The following KDM2B variants were observed in gnomAD, a reference collection of about 807,000 sequenced individuals.
The protein encoded by KDM2B is lysine demethylase 2B.
A neutral mutation model predicts 150.0 loss-of-function variants in KDM2B; 26 were observed. The ratio of observed to expected loss-of-function variants is 0.17; its 90% CI spans 0.13 to 0.24. The LOEUF (loss-of-function observed/expected upper bound fraction) is 0.24, where lower values mean the gene tolerates loss of function less well. Among genes scored for constraint, KDM2B ranks in the 10% least tolerant of loss-of-function variants. KDM2B has a pLI of 1.00. For synonymous variants in KDM2B, 734 were observed against 729.5 expected, an observed-to-expected ratio of 1.01 and a Z score of -0.10; for missense variants, 1,265 against 1,816.9, an observed-to-expected ratio of 0.70 and a Z score of 5.52.
At chr12:121,571,906 C>T (rs1212388282) in intron 4 of KDM2B, among the ~76,000 whole-genome samples, 2 of 151,386 alleles carry the variant, frequency 1.3e-5, no homozygotes, top group African/African-American at 2.4e-5. Context: ...CCGCGTCGGC[C>T]TCCCAAAGTG....
the KDM2B span, among the ~76,000 whole-genome samples, chr12:121,411,259 T>C: frequency 3.3e-5 from 5 of 152,102 alleles, no homozygotes; most frequent in Non-Finnish European, 5.9e-5. Flanking sequence ...TAATGAGGGC[T>C]AAATTAAGTG....
chr12:121,416,236 G>T, the KDM2B span: 2 of 1,614,132 alleles, frequency 1.2e-6, no homozygotes, highest in Non-Finnish European at 1.7e-6. Flanking sequence ...TCAGGGGCCA[G>T]CAGTCAGCAT....
chr12:121,431,040 C>A (rs184483096), intron 22 of KDM2B, among the ~76,000 whole-genome samples: 1 of 152,226 alleles, frequency 6.6e-6, no homozygotes, highest in Non-Finnish European at 1.5e-5. Flanking sequence ...CAGGACTGAC[C>A]GTGTGCCAGC....
the KDM2B span, among the ~76,000 whole-genome samples, chr12:121,413,056 C>T: frequency 6.7e-6 from 1 of 149,746 alleles, no homozygotes; most frequent in East Asian, 2.0e-4. Flanking sequence ...GGCAGAGTCT[C>T]ACTCTGTCAC....
At chr12:121,454,839 GCT>G (rs1555292424) in intron 12 of KDM2B, among the ~76,000 whole-genome samples, 1 of 152,142 alleles carries the variant, frequency 6.6e-6, no homozygotes, top group Non-Finnish European at 1.5e-5. Flanking sequence ...ACCCAGAAGA[GCT>G]GTTACTATTC....
At chr12:121,486,971 G>T (rs1882833488) in intron 12 of KDM2B, among the ~76,000 whole-genome samples, 1 of 151,186 alleles carries the variant, frequency 6.6e-6, no homozygotes, top group Non-Finnish European at 1.5e-5. Flanking sequence ...AGACCCCCCC[G>T]ATACAAAAAA....
the KDM2B span, among the ~76,000 whole-genome samples, chr12:121,410,685 G>A: frequency 6.6e-6 from 1 of 152,142 alleles, no homozygotes; most frequent in Non-Finnish European, 1.5e-5. Flanking sequence ...ATAACTATAA[G>A]TGGATTTGCC....
At chr12:121,423,420 C>G in the KDM2B span, 1 of 1,611,646 alleles carries the variant, frequency 6.2e-7, no homozygotes, top group Non-Finnish European at 8.5e-7. The surrounding 1 kb of genome is among the most constrained non-coding windows in gnomAD (Gnocchi z 4.3). Flanking sequence ...ATGAGGAAGA[C>G]GACAGCCTGT....
chr12:121,565,623 G>A (rs183811932), intron 4 of KDM2B, among the ~76,000 whole-genome samples: 3,017 of 150,684 alleles, frequency 0.02, 101 homozygotes, highest in African/African-American at 0.069. Context: ...TGGCCAAGAG[G>A]ATTTTTTTTT....
chr12:121,549,339 C>T lies in KDM2B; in HGVS notation c.576+121G>A. On this transcript the variant is annotated intron_variant, in intron 5 of 22. Coordinates refer to ENST00000377071, the MANE Select transcript of KDM2B (RefSeq NM_032590.5). The surrounding 1 kb of genome is among the most constrained non-coding windows in gnomAD (Gnocchi z 4.4). Reference sequence around the variant, plus strand: ...CCAACCTTAGTCACCCCTATGCCTGCCAAGCCCAGCCAGCCACACCCACAT... The same window carrying T: ...CCAACCTTAGTCACCCCTATGCCTGTCAAGCCCAGCCAGCCACACCCACAT... 3 of 906,278 alleles carry T rather than the reference C, an allele frequency of 3.3e-6. No homozygotes were observed. The highest frequency in any genetic ancestry group is 5.0e-5 in the East Asian group (2 of 39,646). 56.1% of individuals were successfully genotyped at this position (906,278 alleles called of 1,614,324 possible).
chr12:121,537,849 C>T lies in KDM2B; in HGVS notation c.684-3259G>A, dbSNP rs1888273188. Among the ~76,000 whole-genome samples the T allele has an allele frequency of 6.6e-6, 1 of 151,738 alleles. No homozygotes were observed. ...CTGTAGCCCGCGGGCGGGAGGCCAC[C>T]CACACCCGCCCCGCGCAGCGCCACA... On this transcript the variant is annotated intron_variant, in intron 6 of 22. Transcript: ENST00000377071. This position sits in a 1 kb window ranked among gnomAD's most constrained non-coding sequence, Gnocchi z 8.7.
chr12:121,563,016 G>C (rs542142652), intron 4 of KDM2B, among the ~76,000 whole-genome samples: 11 of 152,132 alleles, frequency 7.2e-5, no homozygotes, highest in Non-Finnish European at 1.0e-4. Flanking sequence ...AGAGAAATCC[G>C]ATAAAGACAT....
At chr12:121,412,845 C>T in the KDM2B span, among the ~76,000 whole-genome samples, 1 of 151,058 alleles carries the variant, frequency 6.6e-6, no homozygotes, top group African/African-American at 2.4e-5. Context: ...CTGCCTTAGC[C>T]TCCCAAGTAG....
Position 121,500,054 on chromosome 12 carries a change from G to GC in KDM2B, c.1648-5390dup, listed in dbSNP as rs1284917926. Among the ~76,000 whole-genome samples, 7 of 152,050 alleles carry GC rather than the reference G, an allele frequency of 4.6e-5. No individual in the cohort carries two copies. The South Asian group carries it at 6.2e-4, about 14-fold the overall frequency. ...TACCTCCCGTTTCCCTCTGTGTGTG[G>GC]CCCCCCTGCGGCCACCAGGGGGCGC... On this transcript the variant is annotated intron_variant, in intron 11 of 22. Coordinates refer to ENST00000377071, the MANE Select transcript of KDM2B (RefSeq NM_032590.5).
intron 11 of KDM2B, among the ~76,000 whole-genome samples, chr12:121,498,441 C>A (rs1188678737): frequency 6.6e-6 from 1 of 152,176 alleles, no homozygotes; most frequent in Non-Finnish European, 1.5e-5. Flanking sequence ...AAAAGCCCAC[C>A]AGATCTTTAA....
chr12:121,440,986 A>C lies in KDM2B; in HGVS notation c.3449-9T>G. The C allele has an allele frequency of 6.2e-7, 1 of 1,613,098 alleles. No homozygotes were observed. Among genetic ancestry groups the C allele is most frequent in the Non-Finnish European group, 8.5e-7 (1 of 1,179,426 alleles). ...CACCAAGTCCCGGAGCCCTGGGGGG[A>C]CATAGAAAAGGGTGAAGGTCAGGGG... is the stretch of plus-strand genomic sequence containing the variant. On this transcript the variant is annotated splice_polypyrimidine_tract_variant and intron_variant, in intron 20 of 22. Coordinates refer to ENST00000377071, the MANE Select transcript of KDM2B (RefSeq NM_032590.5).
intron 13 of KDM2B, among the ~76,000 whole-genome samples, chr12:121,450,858 C>CTCAA (rs1555291470): frequency 1.6e-5 from 2 of 128,392 alleles, no homozygotes; most frequent in African/African-American, 3.0e-5. Context: ...AAGACTCCAT[C>CTCAA]AAAAAAAAAA....
downstream of KDM2B, among the ~76,000 whole-genome samples, chr12:121,424,733 AAG>A (rs1872428607): frequency 6.6e-6 from 1 of 152,086 alleles, no homozygotes; most frequent in African/African-American, 2.4e-5. Flanking sequence ...AAAGAAAAAA[AAG>A]AAAAAAACAA....
At chr12:121,552,070 G>T (rs931818179) in intron 4 of KDM2B, among the ~76,000 whole-genome samples, 10 of 152,330 alleles carry the variant, frequency 6.6e-5, no homozygotes, top group Non-Finnish European at 1.3e-4. Flanking sequence ...ACTGGCTCAA[G>T]CTCCCCAGAG....
Sources: allele counts gnomAD v4.1 joint callset (sites outside exome capture counted in the v4.1 genomes callset), GRCh38; gene constraint gnomAD v4.1.1; non-coding constraint Gnocchi (gnomAD v3.1); transcripts MANE v1.5; gene names NCBI Gene and HGNC (gene_info 2026-07-23, HGNC 2026-07-21).